Variants in SLC14A2 observed in about 807,000 individuals in gnomAD.
SLC14A2 encodes the protein solute carrier family 14 member 2.
In SLC14A2, 91 loss-of-function variants were observed where a neutral mutation model predicts 104.6. The observed-to-expected ratio is 0.87, with a 90% CI of 0.73 to 1.04. The LOEUF is 1.04. Ranked by LOEUF, SLC14A2 falls within the 50% of genes least tolerant of loss-of-function variation. The pLI, the probability that SLC14A2 is intolerant of heterozygous loss-of-function variation, is 0.00. For synonymous variants in SLC14A2, 476 were observed against 466.4 expected (o/e 1.02, Z -0.27); for missense variants, 1,189 against 1,156.0 (o/e 1.03, Z -0.41).
At chr18:45,395,240 A>G (rs893124317) in intron 1 of SLC14A2, among the ~76,000 whole-genome samples, 4 of 152,200 alleles carry the variant, frequency 2.6e-5, no homozygotes, top group African/African-American at 9.7e-5. Context: ...TATAATATGG[A>G]TGAGCTTTAT....
chr18:45,657,517 G>A (rs1599134147), intron 10 of SLC14A2, among the ~76,000 whole-genome samples: 2 of 115,300 alleles, frequency 1.7e-5, no homozygotes, highest in East Asian at 2.3e-4. Flanking sequence ...AGGAAAGAAA[G>A]AAAAGGAAGG....
intron 1 of SLC14A2, among the ~76,000 whole-genome samples, chr18:45,269,860 A>G (rs1185337658): frequency 6.6e-6 from 1 of 152,144 alleles, no homozygotes; most frequent in Non-Finnish European, 1.5e-5. Flanking sequence ...ATATCGTACC[A>G]TTTATTTATC....
At chr18:45,333,982 A>G (rs548213719) in intron 1 of SLC14A2, among the ~76,000 whole-genome samples, 1 of 152,206 alleles carries the variant, frequency 6.6e-6, no homozygotes, top group African/African-American at 2.4e-5. Flanking sequence ...ATACCATACA[A>G]ACAGGTTCTG....
intron 2 of SLC14A2, among the ~76,000 whole-genome samples, chr18:45,569,492 G>C (rs1345987933): frequency 1.3e-5 from 2 of 152,150 alleles, no homozygotes; most frequent in African/African-American, 4.8e-5. Flanking sequence ...GCCATAAAAA[G>C]CAACTCAAGG....
At chr18:45,459,213 C>A (rs16978378) in intron 1 of SLC14A2, among the ~76,000 whole-genome samples, 2 of 152,176 alleles carry the variant, frequency 1.3e-5, no homozygotes, top group African/African-American at 4.8e-5. Context: ...CCTTTCCAAG[C>A]GCTAAGCAAA....
At chr18:45,285,887 G>A (rs2084810308) in intron 1 of SLC14A2, among the ~76,000 whole-genome samples, 1 of 152,144 alleles carries the variant, frequency 6.6e-6, no homozygotes, top group Non-Finnish European at 1.5e-5. Context: ...TCTCAGCCAT[G>A]GCTTCCCATT....
Position 45,592,360 on chromosome 18 carries a change from T to C in SLC14A2, c.-34-32271T>C, listed in dbSNP as rs377304624. Among the ~76,000 whole-genome samples the C allele has an allele frequency of 3.9e-5, 6 of 152,318 alleles. No individual in the cohort carries two copies. The East Asian group carries it at 9.6e-4, about 24-fold the overall frequency. ...CTCTCTGGATGTCTCAGTATTCTGA[T>C]GTCATTGTTGCCAATACCATGCATC... On this transcript the variant is annotated intron_variant, in intron 2 of 20. Transcript: ENST00000586448.
chr18:45,306,803 G>A (rs1599661394), intron 1 of SLC14A2, among the ~76,000 whole-genome samples: 2 of 152,272 alleles, frequency 1.3e-5, no homozygotes, highest in South Asian at 2.1e-4. Flanking sequence ...CTGGGTGGCA[G>A]CTAAGATCTT....
intron 2 of SLC14A2, among the ~76,000 whole-genome samples, chr18:45,519,828 C>T (rs373201825): frequency 2.2e-4 from 34 of 152,306 alleles, no homozygotes; most frequent in Middle Eastern, 6.8e-3. Context: ...TGTGAGATCG[C>T]TCTGGGTTCT....
At chr18:45,183,327 C>T in the SLC14A2 span, among the ~76,000 whole-genome samples, 1 of 152,204 alleles carries the variant, frequency 6.6e-6, no homozygotes, top group Non-Finnish European at 1.5e-5. Flanking sequence ...TCTGTATGTG[C>T]TTGGAGACCC....
chr18:45,579,631 A>G (rs528749355), intron 2 of SLC14A2, among the ~76,000 whole-genome samples: 78 of 152,374 alleles, frequency 5.1e-4, no homozygotes, highest in Middle Eastern at 6.8e-3. Context: ...GCAGCATGAA[A>G]TCAAGAGTTC....
intron 2 of SLC14A2, among the ~76,000 whole-genome samples, chr18:45,578,593 T>C (rs1440616720): frequency 6.6e-6 from 1 of 152,210 alleles, no homozygotes; most frequent in Non-Finnish European, 1.5e-5. Flanking sequence ...AGGTACTCTT[T>C]TGACTGGCTT....
chr18:45,423,465 C>T (rs1203588588), intron 1 of SLC14A2, among the ~76,000 whole-genome samples: 1 of 152,090 alleles, frequency 6.6e-6, no homozygotes, highest in Non-Finnish European at 1.5e-5. Context: ...AAAATGCTGT[C>T]CTATTTAATG....
At chr18:45,323,868 T>A (rs1348886715) in intron 1 of SLC14A2, among the ~76,000 whole-genome samples, 1 of 152,192 alleles carries the variant, frequency 6.6e-6, no homozygotes, top group Non-Finnish European at 1.5e-5. Flanking sequence ...CTAACAGACA[T>A]TGAGAAGTTG....
intron 1 of SLC14A2, among the ~76,000 whole-genome samples, chr18:45,291,783 A>G (rs1241519647): frequency 6.6e-6 from 1 of 151,452 alleles, no homozygotes; most frequent in Non-Finnish European, 1.5e-5. Context: ...ACGGTGACGA[A>G]TCAATCGAAT....
chr18:45,558,219 A>G (rs2044157278), intron 2 of SLC14A2, among the ~76,000 whole-genome samples: 1 of 152,154 alleles, frequency 6.6e-6, no homozygotes, highest in African/African-American at 2.4e-5. Context: ...TCTGTCCTCT[A>G]AAGCTCAGTT....
intron 1 of SLC14A2, among the ~76,000 whole-genome samples, chr18:45,430,462 G>A (rs1292673542): frequency 6.6e-6 from 1 of 152,144 alleles, no homozygotes; most frequent in East Asian, 1.9e-4. Context: ...AACTCACGTA[G>A]CACTAACTAA....
At chr18:45,608,859 T>G (rs1260658891) in intron 2 of SLC14A2, among the ~76,000 whole-genome samples, 3 of 152,180 alleles carry the variant, frequency 2.0e-5, no homozygotes, top group African/African-American at 7.2e-5. Context: ...GGGCATGGAA[T>G]AAAACTGGAA....
intron 1 of SLC14A2, among the ~76,000 whole-genome samples, chr18:45,377,705 C>G (rs1005176146): frequency 9.2e-5 from 14 of 152,304 alleles, no homozygotes; most frequent in African/African-American, 3.4e-4. Flanking sequence ...CATTTTCACT[C>G]CCACTTCCAA....
Sources: allele counts gnomAD v4.1 joint callset (sites outside exome capture counted in the v4.1 genomes callset), GRCh38; gene constraint gnomAD v4.1.1; transcripts MANE v1.5; gene names NCBI Gene and HGNC (gene_info 2026-07-23, HGNC 2026-07-21).